Variants in KMT2A observed in about 807,000 individuals in gnomAD.
KMT2A encodes histone-lysine N-methyltransferase 2A.
A neutral mutation model predicts 345.3 loss-of-function variants in KMT2A; 16 were observed. The ratio of observed to expected loss-of-function variants is 0.05; its 90% CI spans 0.03 to 0.07. The LOEUF (loss-of-function observed/expected upper bound fraction) is 0.07, where lower values mean the gene tolerates loss of function less well. Among genes scored for constraint, KMT2A ranks in the 10% least tolerant of loss-of-function variants. KMT2A has a pLI of 1.00. For missense variants in KMT2A, 3,272 were observed against 4,841.6 expected (o/e 0.68, Z 9.62); for synonymous variants, 1,599 against 1,778.6 (o/e 0.90, Z 2.54).
At chr11:118,440,423 T>G (rs1296507400) in intron 1 of KMT2A, among the ~76,000 whole-genome samples, 1 of 152,208 alleles carries the variant, frequency 6.6e-6, no homozygotes. Context: ...ATGTTCATAC[T>G]ACTGTACTTT....
Position 118,504,837 on chromosome 11 carries a change from C to T in KMT2A, c.8945C>T (p.Pro2982Leu), listed in dbSNP as rs1555047430. The change falls in exon 27 of 36, where the codon CCA (proline) becomes CTA (leucine). Residue 2982 changes from proline to leucine, a missense_variant. By Grantham distance (98) the Pro-to-Leu change is moderately conservative. Around this residue, in one of 27 missense-constraint regions of KMT2A, gnomAD observed 748 missense variants for 922.2 expected, o/e 0.81. Transcript: ENST00000534358. This position sits in a 1 kb window ranked among gnomAD's most constrained non-coding sequence, Gnocchi z 6.4. ...SSESDPALLS[P>L]GVDPTPEGHM... is the part of the protein sequence containing the mutation. ...GAAAGTGACCCAGCACTGCTGAGCC[C>T]AGGAGTAGATCCAACTCCTGAAGGC... The T allele has an allele frequency of 3.1e-6, 5 of 1,614,100 alleles. No individual in the cohort carries two copies. The highest frequency in any genetic ancestry group is 4.2e-6 in the Non-Finnish European group (5 of 1,180,014).
chr11:118,506,968 C>T (rs782730962), intron 27 of KMT2A, among the ~76,000 whole-genome samples: 1 of 152,110 alleles, frequency 6.6e-6, no homozygotes, highest in Non-Finnish European at 1.5e-5. Context: ...GGCAAAGCTC[C>T]CTCTTGTAGA....
rs1591390036 is a variant in KMT2A at position 118,485,881 on chromosome 11, G to A, written c.4332+906G>A. 3.3e-5 allele frequency among the ~76,000 whole-genome samples: 5 copies of A among 152,280 alleles called. No homozygotes were observed. The East Asian group carries it at 9.6e-4, about 29-fold the overall frequency. ...GCGGATCACAAGGTCAGGAGATCCA[G>A]ACCATCCTGGCTAACACAGTGAAAC... is the stretch of plus-strand genomic sequence containing the variant. On this transcript the variant is annotated intron_variant, in intron 10 of 35. Transcript: ENST00000534358.
chr11:118,500,648 G>T (rs536042773), intron 24 of KMT2A: 11 of 172,652 alleles, frequency 6.4e-5, no homozygotes, highest in African/African-American at 2.1e-4. Context: ...TGTATACATT[G>T]TAAGGCAATA....
intron 10 of KMT2A, among the ~76,000 whole-genome samples, chr11:118,487,073 T>C (rs539802616): frequency 1.3e-5 from 2 of 152,316 alleles, no homozygotes; most frequent in African/African-American, 4.8e-5. Flanking sequence ...ATTCTCTTAG[T>C]CCCTATTACG....
Position 118,473,066 on chromosome 11 carries a change from A to G in KMT2A, c.1907A>G (p.Lys636Arg), listed in dbSNP as rs1555036219. The G allele has an allele frequency of 2.5e-6, 4 of 1,614,188 alleles. No individual in the cohort carries two copies. Among genetic ancestry groups the G allele is most frequent in the Non-Finnish European group, 3.4e-6 (4 of 1,180,032 alleles). The stretch of plus-strand genomic sequence containing the variant: ...GAGCCACAATACTTTTCCTCAGCAA[A>G]GTATGCCAAAGAAGGTCTTATTCGC... The part of the protein sequence containing the change: ...RSEPQYFSSA[K>R]YAKEGLIRKP... The change falls in exon 3 of 36, where the codon AAG (lysine) becomes AGG (arginine). Residue 636 changes from lysine to arginine, a missense_variant. Transcript: ENST00000534358. This position sits in a 1 kb window ranked among gnomAD's most constrained non-coding sequence, Gnocchi z 5.2.
rs1555050333 is a variant in KMT2A at position 118,512,236 on chromosome 11, T to G, written c.11146+211T>G. ...TTCAGAGTTGTATAACCACCACTAC[T>G]CTATAATTCTAGAACATTCTCATCA... is the stretch of plus-strand genomic sequence containing the variant. On this transcript the variant is annotated intron_variant, in intron 31 of 35. Transcript: ENST00000534358. 5.2e-6 allele frequency: 3 copies of G among 577,880 alleles called. No individual in the cohort carries two copies. In the East Asian group the frequency reaches 8.6e-5, roughly 17 times the overall value. The allele number at this position is 577,880 out of a possible 1,614,324, so 35.8% of individuals were successfully genotyped here. A position where few individuals can be genotyped will look rare whatever the true frequency, so the allele number is the denominator to read the frequency against.
intron 31 of KMT2A, among the ~76,000 whole-genome samples, chr11:118,516,877 A>G (rs935496853): frequency 6.6e-6 from 1 of 152,214 alleles, no homozygotes; most frequent in Non-Finnish European, 1.5e-5. Flanking sequence ...GGGCCCACAC[A>G]TAATGCATCT....
Position 118,504,851 on chromosome 11 carries a change from A to G in KMT2A, c.8959A>G (p.Thr2987Ala), listed in dbSNP as rs2134401970. The stretch of plus-strand genomic sequence containing the variant: ...ACTGCTGAGCCCAGGAGTAGATCCA[A>G]CTCCTGAAGGCCACATGACTCCTGA... ...PALLSPGVDP[T>A]PEGHMTPDHF... The change falls in exon 27 of 36, where the codon ACT (threonine) becomes GCT (alanine). Residue 2987 changes from threonine (T) to alanine (A), a missense_variant. Coordinates refer to ENST00000534358, the MANE Select transcript of KMT2A (RefSeq NM_001197104.2). The surrounding 1 kb of genome is among the most constrained non-coding windows in gnomAD (Gnocchi z 6.4). 1.2e-6 allele frequency: 2 copies of G among 1,614,088 alleles called. No individual in the cohort carries two copies. Among genetic ancestry groups the G allele is most frequent in the Non-Finnish European group, 1.7e-6 (2 of 1,179,998 alleles).
In KMT2A at chr11:118,520,258, A is replaced by AG. The variant is rs1950929198; in HGVS notation, c.11429+195dup. 1.1e-5 allele frequency: 6 copies of AG among 568,432 alleles called. No individual in the cohort carries two copies. Among genetic ancestry groups the AG allele is most frequent in the Non-Finnish European group, 1.2e-5 (4 of 322,410 alleles). The allele number at this position is 568,432 out of a possible 1,614,324, so 35.2% of individuals were successfully genotyped here. A position where few individuals can be genotyped will look rare whatever the true frequency, so the allele number is the denominator to read the frequency against. On this transcript the variant is annotated intron_variant, in intron 33 of 35. Transcript: ENST00000534358. The surrounding 1 kb of genome is among the most constrained non-coding windows in gnomAD (Gnocchi z 4.3). ...TATAAGGTACAGAGGAGAAATTCAA[A>AG]GAACTGTAAGATGCCTGTTTTCTTT...
chr11:118,526,515 C>A lies in KMT2A; in HGVS notation c.*4343C>A, dbSNP rs1951085035. 4.4e-6 allele frequency: 1 copy of A among 228,246 alleles called. No individual in the cohort carries two copies. The highest frequency in any genetic ancestry group is 8.6e-6 in the Non-Finnish European group (1 of 115,652). The allele number at this position is 228,246 out of a possible 1,614,324, so 14.1% of individuals were successfully genotyped here. On this transcript the variant is annotated 3_prime_UTR_variant, in exon 36 of 36. Transcript: ENST00000534358. ...TTTCTAGAAATAAGACATTTTTTGA[C>A]AACTTTATCATGTATAACAGATCTG... is the stretch of plus-strand genomic sequence containing the variant.
In KMT2A at chr11:118,501,073, T is replaced by C; in HGVS notation, c.6245T>C (p.Val2082Ala). The C allele has an allele frequency of 1.9e-6, 3 of 1,614,156 alleles. No individual in the cohort carries two copies. Among genetic ancestry groups the C allele is most frequent in the Non-Finnish European group, 2.5e-6 (3 of 1,179,998 alleles). ...ATAGTGGAGTGCCGTCCTCCAGTCGTAGAGCCGGATATCAACAGCACTGTT... is the reference window on the plus strand; with the variant it reads ...ATAGTGGAGTGCCGTCCTCCAGTCGCAGAGCCGGATATCAACAGCACTGTT... Reference protein sequence around the residue: ...CKIVECRPPVVEPDINSTVEH... With the variant: ...CKIVECRPPVAEPDINSTVEH... Residue 2082 changes from valine (V) to alanine (A), a missense_variant, in exon 25 of 36, where the codon GTA becomes GCA. Val to Ala is a moderately conservative substitution (Grantham distance 64). Around this residue, in one of 27 missense-constraint regions of KMT2A, gnomAD observed 235 missense variants for 503.4 expected, o/e 0.47. Transcript: ENST00000534358.
intron 1 of KMT2A, among the ~76,000 whole-genome samples, chr11:118,466,858 G>A (rs77534835): frequency 0.012 from 1,764 of 151,944 alleles, 37 homozygotes; most frequent in African/African-American, 0.039. Flanking sequence ...AAGAACTTAC[G>A]TGTAAGAATT....
chr11:118,504,547 T>C lies in KMT2A; in HGVS notation c.8655T>C (p.Gly2885=). Residue 2885 remains glycine (G), a synonymous_variant, in exon 27 of 36, where the codon GGT becomes GGC. Transcript: ENST00000534358. This position sits in a 1 kb window ranked among gnomAD's most constrained non-coding sequence, Gnocchi z 6.4. ...SELLNLGEGL[G]LDSNREKDMG... ...TCCTGAATCTTGGTGAAGGATTGGG[T>C]CTTGACAGTAATCGTGAAAAAGACA... 6.2e-7 allele frequency: 1 copy of C among 1,614,184 alleles called. No individual in the cohort carries two copies. Among genetic ancestry groups the C allele is most frequent in the African/African-American group, 1.3e-5 (1 of 75,052 alleles).
chr11:118,498,222 A>C lies in KMT2A; in HGVS notation c.5803-148A>C, dbSNP rs1950440992. Reference sequence around the variant, plus strand: ...TATTGATATACATAATTCAACAGATAAAATGATAAATTTTATCTGTTTTCA... The same window carrying C: ...TATTGATATACATAATTCAACAGATCAAATGATAAATTTTATCTGTTTTCA... On this transcript the variant is annotated intron_variant, in intron 21 of 35. Coordinates refer to ENST00000534358, the MANE Select transcript of KMT2A (RefSeq NM_001197104.2). The surrounding 1 kb of genome is among the most constrained non-coding windows in gnomAD (Gnocchi z 4.4). The C allele has an allele frequency of 8.5e-7, 1 of 1,170,472 alleles. No individual in the cohort carries two copies. Among genetic ancestry groups the C allele is most frequent in the Non-Finnish European group, 1.2e-6 (1 of 822,540 alleles). The allele number at this position is 1,170,472 out of a possible 1,614,324, so 72.5% of individuals were successfully genotyped here.
rs1555036720 is a variant in KMT2A at position 118,473,911 on chromosome 11, G to A, written c.2752G>A (p.Gly918Ser). 1.9e-6 allele frequency: 3 copies of A among 1,614,188 alleles called. No homozygotes were observed. Among genetic ancestry groups the A allele is most frequent in the Non-Finnish European group, 2.5e-6 (3 of 1,180,038 alleles). ...VGRVSKEKVV[G>S]EDVATSSSAK... is the part of the protein sequence containing the mutation. ...TAGGGTTTCCAAAGAGAAGGTTGTT[G>A]GTGAAGATGTTGCCACTTCATCTTC... The change falls in exon 3 of 36, where the codon GGT becomes AGT. Residue 918 changes from glycine to serine, a missense_variant. Gly to Ser is a moderately conservative substitution (Grantham distance 56). Around this residue, in one of 27 missense-constraint regions of KMT2A, gnomAD observed 209 missense variants for 237.4 expected, o/e 0.88. Transcript: ENST00000534358. The surrounding 1 kb of genome is among the most constrained non-coding windows in gnomAD (Gnocchi z 5.2).
chr11:118,500,492 A>T (rs1950483218), intron 24 of KMT2A, among the ~76,000 whole-genome samples: 1 of 152,200 alleles, frequency 6.6e-6, no homozygotes, highest in South Asian at 2.1e-4. Context: ...TCTGTGCTCC[A>T]CATTTAGCTG....
chr11:118,488,607 AC>A lies in KMT2A; in HGVS notation c.4333-6del. The A allele has an allele frequency of 6.2e-7, 1 of 1,613,124 alleles. No individual in the cohort carries two copies. Among genetic ancestry groups the A allele is most frequent in the Non-Finnish European group, 8.5e-7 (1 of 1,179,214 alleles). On this transcript the variant is annotated splice_region_variant and splice_polypyrimidine_tract_variant and intron_variant, in intron 10 of 35. Transcript: ENST00000534358. The stretch of plus-strand genomic sequence containing the variant: ...CATACTTCTATCTTCCCATGTTCTT[AC>A]TATAGTTTGTGTATTGCCAAGTCTG...
rs781965108 is a variant in KMT2A at position 118,498,459 on chromosome 11, C to T, written c.5892C>T (p.Ala1964=). The change falls in exon 22 of 36, where the codon GCC becomes GCT. Residue 1964 remains alanine, a synonymous_variant. Coordinates refer to ENST00000534358, the MANE Select transcript of KMT2A (RefSeq NM_001197104.2). The surrounding 1 kb of genome is among the most constrained non-coding windows in gnomAD (Gnocchi z 4.4). ...ACTATCACTTCATGTGTTCCCGAGC[C>T]AAGAACTGTGTCTTTCTGGATGATA... ...TSNYHFMCSR[A]KNCVFLDDKK... The T allele has an allele frequency of 1.1e-5, 18 of 1,613,310 alleles. No individual in the cohort carries two copies. The highest frequency in any genetic ancestry group is 1.4e-5 in the Non-Finnish European group (17 of 1,179,926).
Sources: allele counts gnomAD v4.1 joint callset (sites outside exome capture counted in the v4.1 genomes callset), GRCh38; gene constraint gnomAD v4.1.1; regional missense constraint gnomAD v4.1.1; non-coding constraint Gnocchi (gnomAD v3.1); transcripts MANE v1.5; gene names NCBI Gene and HGNC (gene_info 2026-07-23, HGNC 2026-07-21).